Variants in SCHIP1 observed in about 807,000 individuals in gnomAD.
SCHIP1 encodes schwannomin-interacting protein 1.
SCHIP1 carries 8 observed loss-of-function variants against 29.7 expected under a neutral mutation model. The observed-to-expected ratio is 0.27, with a 90% CI of 0.16 to 0.49. The LOEUF (loss-of-function observed/expected upper bound fraction) is 0.49. Among genes scored for constraint, SCHIP1 ranks in the 20% least tolerant of loss-of-function variants. The probability of loss-of-function intolerance (pLI) is 0.99; values close to 1 mark genes in which losing one functional copy is unlikely to be tolerated. For missense variants in SCHIP1, 193 were observed against 294.6 expected, an observed-to-expected ratio of 0.66 and a Z score of 2.52; for synonymous variants, 76 against 94.9, an observed-to-expected ratio of 0.80 and a Z score of 1.16.
At chr3:159,539,057 G>A in the SCHIP1 span, among the ~76,000 whole-genome samples, 1 of 151,990 alleles carries the variant, frequency 6.6e-6, no homozygotes, top group Non-Finnish European at 1.5e-5. Context: ...ATGGCTAATA[G>A]TAAGAATAGC....
At chr3:159,715,902 C>A in the SCHIP1 span, among the ~76,000 whole-genome samples, 1 of 152,106 alleles carries the variant, frequency 6.6e-6, no homozygotes, top group South Asian at 2.1e-4. Flanking sequence ...AGAGAGAATG[C>A]CACAAAGATA....
chr3:159,818,664 A>G, the SCHIP1 span, among the ~76,000 whole-genome samples: 1 of 152,218 alleles, frequency 6.6e-6, no homozygotes, highest in African/African-American at 2.4e-5. Context: ...TGCAATCCTG[A>G]TCTTATGCAG....
chr3:159,412,175 A>C, the SCHIP1 span, among the ~76,000 whole-genome samples: 5 of 152,284 alleles, frequency 3.3e-5, no homozygotes, highest in East Asian at 9.6e-4. Context: ...TTTCAATACC[A>C]CTTAGCCAAT....
the SCHIP1 span, among the ~76,000 whole-genome samples, chr3:159,348,946 T>G: frequency 3.3e-5 from 5 of 152,202 alleles, no homozygotes; most frequent in African/African-American, 1.2e-4. Context: ...GTTGAAAAAA[T>G]GAATTTCTAC....
At chr3:159,737,366 A>G in the SCHIP1 span, among the ~76,000 whole-genome samples, 323 of 152,228 alleles carry the variant, frequency 2.1e-3, 2 homozygotes, top group East Asian at 0.027. Flanking sequence ...GTAGGTCTCG[A>G]CTGGGGCCGG....
the SCHIP1 span, among the ~76,000 whole-genome samples, chr3:159,289,789 G>T: frequency 7.2e-5 from 11 of 152,306 alleles, no homozygotes; most frequent in Admixed American, 3.9e-4. Flanking sequence ...AGATGCTGCA[G>T]CCCTCAAGAA....
At chr3:159,340,810 G>T in the SCHIP1 span, among the ~76,000 whole-genome samples, 2 of 152,072 alleles carry the variant, frequency 1.3e-5, no homozygotes, top group Non-Finnish European at 2.9e-5. Flanking sequence ...AATGTTTTGT[G>T]TAAGAGATCA....
intron 1 of SCHIP1, among the ~76,000 whole-genome samples, chr3:159,848,985 G>C (rs1287956258): frequency 2.6e-5 from 4 of 151,938 alleles, no homozygotes; most frequent in East Asian, 3.9e-4. Context: ...GCCCTCAACT[G>C]CTTGCATTCA....
chr3:159,779,853 A>G, the SCHIP1 span, among the ~76,000 whole-genome samples: 2 of 152,130 alleles, frequency 1.3e-5, no homozygotes, highest in Non-Finnish European at 2.9e-5. Flanking sequence ...TTTCTGGACC[A>G]CAGTAATTTG....
the SCHIP1 span, among the ~76,000 whole-genome samples, chr3:159,389,459 T>G: frequency 9.9e-5 from 15 of 152,074 alleles, no homozygotes; most frequent in Non-Finnish European, 5.9e-5. Context: ...ACAGAATTTT[T>G]GGAGGACAAT....
the SCHIP1 span, among the ~76,000 whole-genome samples, chr3:159,824,366 A>G: frequency 3.3e-5 from 5 of 152,320 alleles, no homozygotes; most frequent in African/African-American, 1.2e-4. Context: ...TGAGATGAGG[A>G]AAGAAATAAC....
chr3:159,730,328 C>A, the SCHIP1 span, among the ~76,000 whole-genome samples: 1 of 152,074 alleles, frequency 6.6e-6, no homozygotes, highest in Non-Finnish European at 1.5e-5. Context: ...GGATGATGAC[C>A]ATTTTTACCT....
At chr3:159,422,738 G>C in the SCHIP1 span, among the ~76,000 whole-genome samples, 1,501 of 152,222 alleles carry the variant, frequency 9.9e-3, 23 homozygotes, top group Middle Eastern at 0.014. Context: ...TCTTATATCT[G>C]TGAGATATAT....
At chr3:159,507,856 G>A in the SCHIP1 span, among the ~76,000 whole-genome samples, 1 of 152,186 alleles carries the variant, frequency 6.6e-6, no homozygotes, top group Non-Finnish European at 1.5e-5. Flanking sequence ...ATGTCCTGCT[G>A]GATTCGGTTT....
chr3:159,811,827 C>T, the SCHIP1 span, among the ~76,000 whole-genome samples: 1 of 152,100 alleles, frequency 6.6e-6, no homozygotes, highest in Non-Finnish European at 1.5e-5. Context: ...CAAAAGCCTG[C>T]TGGAATTTTT....
chr3:159,434,399 C>T, the SCHIP1 span, among the ~76,000 whole-genome samples: 1 of 152,014 alleles, frequency 6.6e-6, no homozygotes, highest in Non-Finnish European at 1.5e-5. Flanking sequence ...CTAATAGTGA[C>T]CTAAACCTTA....
the SCHIP1 span, among the ~76,000 whole-genome samples, chr3:159,545,517 A>G: frequency 6.6e-6 from 1 of 151,650 alleles, no homozygotes; most frequent in Non-Finnish European, 1.5e-5. Context: ...TAGTTTGCAG[A>G]TGGCCTACTG....
At chr3:159,680,516 A>AAT in the SCHIP1 span, among the ~76,000 whole-genome samples, 2 of 124,352 alleles carry the variant, frequency 1.6e-5, no homozygotes, top group South Asian at 2.2e-4. Context: ...TCAAAAAAAA[A>AAT]ATATATATAT....
chr3:159,376,535 A>G, the SCHIP1 span, among the ~76,000 whole-genome samples: 2 of 152,200 alleles, frequency 1.3e-5, no homozygotes, highest in Non-Finnish European at 2.9e-5. Flanking sequence ...ATTTGGCTTG[A>G]TATCACTTCA....
Sources: gnomAD v4.1 joint callset for allele counts (sites outside exome capture counted in the v4.1 genomes callset) on GRCh38, gnomAD v4.1.1 for gene constraint, MANE v1.5 for transcripts, NCBI Gene and HGNC (gene_info 2026-07-23, HGNC 2026-07-21) for gene names.